The following GALNT13 variants were observed in gnomAD, a reference collection of about 807,000 sequenced individuals.
GALNT13 encodes polypeptide N-acetylgalactosaminyltransferase 13.
In GALNT13, 28 loss-of-function variants were observed where a neutral mutation model predicts 64.2. The ratio of observed to expected loss-of-function variants is 0.44; its 90% CI spans 0.32 to 0.60. The LOEUF (loss-of-function observed/expected upper bound fraction) is 0.60. Among genes scored for constraint, GALNT13 ranks in the 20% least tolerant of loss-of-function variants. The probability of loss-of-function intolerance (pLI) is 0.05; values close to 1 mark genes in which losing one functional copy is unlikely to be tolerated. For missense variants in GALNT13, 577 were observed against 669.8 expected, an observed-to-expected ratio of 0.86 and a Z score of 1.53; for synonymous variants, 214 against 224.6, an observed-to-expected ratio of 0.95 and a Z score of 0.42.
chr2:153,392,360 G>A, the GALNT13 span, among the ~76,000 whole-genome samples: 1 of 151,454 alleles, frequency 6.6e-6, no homozygotes, highest in Admixed American at 6.6e-5. Flanking sequence ...AAAAAAACAA[G>A]TCATAGATGC....
intron 3 of GALNT13, among the ~76,000 whole-genome samples, chr2:154,115,710 C>G (rs911383530): frequency 1.3e-5 from 2 of 152,100 alleles, no homozygotes; most frequent in Non-Finnish European, 2.9e-5. Flanking sequence ...TGTGAGCCAC[C>G]ATGCCCGGCC....
intron 3 of GALNT13, among the ~76,000 whole-genome samples, chr2:154,111,035 G>A (rs58163297): frequency 1.3e-5 from 2 of 151,912 alleles, no homozygotes; most frequent in Non-Finnish European, 2.9e-5. Flanking sequence ...AGATATTTTC[G>A]TAGTACAAGT....
At chr2:153,776,247 T>G in the GALNT13 span, among the ~76,000 whole-genome samples, 11 of 152,174 alleles carry the variant, frequency 7.2e-5, no homozygotes, top group Non-Finnish European at 1.3e-4. Context: ...TTTTGAAAAT[T>G]TTATCCAGAA....
intron 3 of GALNT13, among the ~76,000 whole-genome samples, chr2:154,123,850 AG>A (rs1682102426): frequency 6.6e-6 from 1 of 152,076 alleles, no homozygotes; most frequent in Admixed American, 6.5e-5. Context: ...ATATATCAGC[AG>A]GTCTGAGAAT....
At chr2:154,054,493 C>T (rs750574332) in intron 3 of GALNT13, among the ~76,000 whole-genome samples, 1 of 151,942 alleles carries the variant, frequency 6.6e-6, no homozygotes, top group Non-Finnish European at 1.5e-5. Context: ...GAGTTTTACT[C>T]ATGAAATATT....
Position 154,136,456 on chromosome 2 carries a change from C to G in GALNT13, c.143-3881C>G, listed in dbSNP as rs144625337. ...TCATTTCTCTTTTTTCAAAGAGACA[C>G]TGCCCACTAATAAAGGGGTAATTCT... On this transcript the variant is annotated intron_variant, in intron 3 of 12. Coordinates refer to ENST00000392825, the MANE Select transcript of GALNT13 (RefSeq NM_052917.4). Among the ~76,000 whole-genome samples, 332 of 152,180 alleles carry G rather than the reference C, an allele frequency of 2.2e-3. 2 individuals are homozygous for G. Among genetic ancestry groups the G allele is most frequent in the African/African-American group, 7.2e-3 (300 of 41,546 alleles).
the GALNT13 span, among the ~76,000 whole-genome samples, chr2:153,362,553 C>CAAAAAAAAAAAAAA: frequency 2.5e-5 from 2 of 80,320 alleles, no homozygotes; most frequent in African/African-American, 5.2e-5. Context: ...AAATGGAGAG[C>CAAAAAAAAAAAAAA]AAAAAAAAAA....
intron 12 of GALNT13, among the ~76,000 whole-genome samples, chr2:154,449,353 C>T (rs578091751): frequency 3.5e-5 from 5 of 144,752 alleles, no homozygotes; most frequent in African/African-American, 1.3e-4. Flanking sequence ...CGTCTGGCTG[C>T]TGTTCCTCTA....
the GALNT13 span, among the ~76,000 whole-genome samples, chr2:153,139,784 G>A: frequency 1.3e-5 from 2 of 151,992 alleles, no homozygotes; most frequent in Non-Finnish European, 2.9e-5. Flanking sequence ...GGAGGTCTTG[G>A]CATGCTTTTA....
At chr2:153,711,259 T>C in the GALNT13 span, among the ~76,000 whole-genome samples, 1 of 152,122 alleles carries the variant, frequency 6.6e-6, no homozygotes, top group African/African-American at 2.4e-5. Context: ...ATAACATGCA[T>C]AGTATATATG....
upstream of GALNT13, among the ~76,000 whole-genome samples, chr2:153,869,505 C>T (rs532159670): frequency 8.5e-5 from 13 of 152,194 alleles, no homozygotes; most frequent in East Asian, 2.5e-3. Context: ...TAATTTAAGG[C>T]TTTCTTTGCT....
intron 11 of GALNT13, among the ~76,000 whole-genome samples, chr2:154,434,711 T>C (rs1379427909): frequency 6.6e-6 from 1 of 152,062 alleles, no homozygotes; most frequent in East Asian, 1.9e-4. Flanking sequence ...TGATACTAGA[T>C]AGCTCATAAT....
At chr2:154,315,483 A>C (rs531889729) in intron 9 of GALNT13, among the ~76,000 whole-genome samples, 3 of 152,300 alleles carry the variant, frequency 2.0e-5, no homozygotes. Flanking sequence ...GCCTGATTTT[A>C]TCAGAAGCAC....
At chr2:154,120,341 C>A (rs536896991) in intron 3 of GALNT13, among the ~76,000 whole-genome samples, 2 of 152,220 alleles carry the variant, frequency 1.3e-5, no homozygotes, top group Admixed American at 6.5e-5. Flanking sequence ...TCTTTGCAAT[C>A]TGCAGTTGGG....
the GALNT13 span, among the ~76,000 whole-genome samples, chr2:153,554,797 AT>A: frequency 3.9e-5 from 6 of 152,240 alleles, no homozygotes; most frequent in East Asian, 1.2e-3. Context: ...TTAATGCCTA[AT>A]TTAAGTCGGA....
chr2:154,419,235 A>G (rs1027379562), intron 11 of GALNT13, among the ~76,000 whole-genome samples: 2 of 152,120 alleles, frequency 1.3e-5, no homozygotes, highest in Non-Finnish European at 2.9e-5. Context: ...AACTTGTAGG[A>G]ACTTGTGATC....
rs190405788 is a variant in GALNT13, at chr2:154,350,217, G to A, written c.1157-45774G>A. ...TATTGTTCCTGGTTATGTCTGTGAG[G>A]GTGTTGCCAAAGGAGATTAACATTT... On this transcript the variant is annotated intron_variant, in intron 9 of 12. Coordinates refer to ENST00000392825, the MANE Select transcript of GALNT13 (RefSeq NM_052917.4). Among the ~76,000 whole-genome samples the A allele has an allele frequency of 5.0e-3, 762 of 152,244 alleles. 6 individuals carry two copies. Among genetic ancestry groups the A allele is most frequent in the African/African-American group, 0.018 (735 of 41,540 alleles).
At chr2:153,509,263 C>T in the GALNT13 span, among the ~76,000 whole-genome samples, 4 of 152,216 alleles carry the variant, frequency 2.6e-5, no homozygotes, top group Admixed American at 2.6e-4. Context: ...CATGGCTGGG[C>T]AGCTGCAGCT....
the GALNT13 span, among the ~76,000 whole-genome samples, chr2:153,142,197 A>T: frequency 1.3e-5 from 2 of 152,048 alleles, no homozygotes; most frequent in Admixed American, 1.3e-4. Flanking sequence ...GAGATTATGC[A>T]TTTGGTGACT....
Sources: allele counts gnomAD v4.1 joint callset (sites outside exome capture counted in the v4.1 genomes callset), GRCh38; gene constraint gnomAD v4.1.1; transcripts MANE v1.5; gene names NCBI Gene and HGNC (gene_info 2026-07-23, HGNC 2026-07-21).